Variants in SMCO4 observed in about 807,000 individuals in gnomAD.
SMCO4 encodes single-pass membrane protein with coiled-coil domains 4.
SMCO4 carries 4 observed loss-of-function variants against 3.6 expected under a neutral mutation model. That is an observed-to-expected ratio of 1.11 (90% CI 0.54 to 2.53). SMCO4 has a LOEUF of 2.53. Ranked by LOEUF, SMCO4 falls within the 30% of genes most tolerant of loss-of-function variation. The pLI is 0.02. For missense variants in SMCO4, 70 were observed against 80.8 expected, an observed-to-expected ratio of 0.87 and a Z score of 0.51; for synonymous variants, 36 against 35.3, an observed-to-expected ratio of 1.02 and a Z score of -0.07.
At chr11:93,512,849 A>G (rs1480964603) in intron 1 of SMCO4, among the ~76,000 whole-genome samples, 3 of 152,234 alleles carry the variant, frequency 2.0e-5, no homozygotes, top group Non-Finnish European at 4.4e-5. Context: ...CTACAATACA[A>G]TACAGGGCAA....
intron 1 of SMCO4, among the ~76,000 whole-genome samples, chr11:93,499,677 A>C (rs1296167365): frequency 1.3e-5 from 2 of 152,214 alleles, no homozygotes; most frequent in Non-Finnish European, 2.9e-5. Context: ...CTGCTAACTT[A>C]AGCCGCCATG....
intron 1 of SMCO4, among the ~76,000 whole-genome samples, chr11:93,511,981 T>C (rs1948961938): frequency 6.6e-6 from 1 of 152,214 alleles, no homozygotes; most frequent in South Asian, 2.1e-4. Flanking sequence ...TTATTAATTT[T>C]TCTTAAATGT....
the SMCO4 span, among the ~76,000 whole-genome samples, chr11:93,550,333 A>G: frequency 9.2e-3 from 1,396 of 152,180 alleles, 19 homozygotes; most frequent in African/African-American, 0.032. Flanking sequence ...GTAAGACCAC[A>G]CTAAAATCAC....
chr11:93,506,085 G>A (rs1174005097), intron 1 of SMCO4, among the ~76,000 whole-genome samples: 3 of 151,882 alleles, frequency 2.0e-5, no homozygotes, highest in Admixed American at 6.5e-5. Flanking sequence ...ACCTATACAT[G>A]TGTAGATATA....
chr11:93,478,775 G>C lies in SMCO4; in HGVS notation c.*235C>G, dbSNP rs1377621135. On this transcript the variant is annotated 3_prime_UTR_variant, in exon 3 of 3. Transcript: ENST00000298966. ...CACATGCGCGCGCGCTTTGAAGTCT[G>C]AAAGGCACATGAAGTGGACCATAAG... 9 of 1,243,548 alleles carry C rather than the reference G, an allele frequency of 7.2e-6. No individual in the cohort carries two copies. The highest frequency in any genetic ancestry group is 9.3e-6 in the Non-Finnish European group (9 of 963,264). The allele number at this position is 1,243,548 out of a possible 1,614,324, so 77.0% of individuals were successfully genotyped here.
At chr11:93,512,334 G>A (rs1466755457) in intron 1 of SMCO4, among the ~76,000 whole-genome samples, 2 of 152,080 alleles carry the variant, frequency 1.3e-5, no homozygotes, top group South Asian at 2.1e-4. Context: ...TCATAAAACC[G>A]TAGCACAAAG....
intron 1 of SMCO4, among the ~76,000 whole-genome samples, chr11:93,534,645 C>G (rs543589466): frequency 6.6e-6 from 1 of 152,320 alleles, no homozygotes; most frequent in South Asian, 2.1e-4. Flanking sequence ...TGGCTCAACT[C>G]TGCAGTCCCT....
intron 1 of SMCO4, 60 bp downstream of exon 1, chr11:93,543,216 G>GCGCC (rs1949287154): frequency 1.6e-5 from 2 of 123,578 alleles, no homozygotes; most frequent in Admixed American, 7.9e-5. Context: ...CCCGTGCCCC[G>GCGCC]CGCCCGCCCG....
At chr11:93,541,576 C>T (rs1239514023) in intron 1 of SMCO4, among the ~76,000 whole-genome samples, 1 of 152,108 alleles carries the variant, frequency 6.6e-6, no homozygotes, top group Non-Finnish European at 1.5e-5. Context: ...CCACTCCAAG[C>T]TTGAAGATTA....
chr11:93,485,189 G>C (rs11604909), intron 2 of SMCO4, among the ~76,000 whole-genome samples: 25,707 of 151,986 alleles, frequency 0.17, 2,768 homozygotes, highest in Admixed American at 0.35. Context: ...TACTTTTACC[G>C]GACAGCTTGC....
At chr11:93,494,092 C>T (rs1306694559) in intron 2 of SMCO4, among the ~76,000 whole-genome samples, 1 of 152,144 alleles carries the variant, frequency 6.6e-6, no homozygotes, top group Non-Finnish European at 1.5e-5. Flanking sequence ...ACTCCTGAGT[C>T]CTTTCGAAAC....
intron 2 of SMCO4, among the ~76,000 whole-genome samples, chr11:93,494,401 G>A (rs533696743): frequency 1.5e-4 from 23 of 152,290 alleles, no homozygotes; most frequent in African/African-American, 5.3e-4. Context: ...AGAAAGCCAA[G>A]TTAACAGTAT....
chr11:93,517,453 A>G (rs1053171600), intron 1 of SMCO4, among the ~76,000 whole-genome samples: 5 of 152,200 alleles, frequency 3.3e-5, no homozygotes, highest in African/African-American at 1.2e-4. Context: ...CTGACTGCAC[A>G]TGGTTATGGC....
At chr11:93,502,415 C>T (rs1948849654) in intron 1 of SMCO4, among the ~76,000 whole-genome samples, 1 of 152,144 alleles carries the variant, frequency 6.6e-6, no homozygotes, top group Non-Finnish European at 1.5e-5. Flanking sequence ...GCAAGGATTT[C>T]ATTTTGTGTT....
intron 1 of SMCO4, among the ~76,000 whole-genome samples, chr11:93,534,857 C>A (rs1182730578): frequency 1.3e-5 from 2 of 152,158 alleles, no homozygotes; most frequent in Non-Finnish European, 1.5e-5. Flanking sequence ...TGTGTCACAC[C>A]CCTCAAACAC....
At chr11:93,496,348 A>C (rs1180597203) in intron 2 of SMCO4, among the ~76,000 whole-genome samples, 1 of 152,144 alleles carries the variant, frequency 6.6e-6, no homozygotes, top group Admixed American at 6.5e-5. Flanking sequence ...GATGAGTATT[A>C]ACAAATGAAG....
At chr11:93,552,491 A>G in the SMCO4 span, among the ~76,000 whole-genome samples, 1 of 99,932 alleles carries the variant, frequency 1.0e-5, no homozygotes, top group Non-Finnish European at 2.3e-5. Flanking sequence ...ATTATTTTTG[A>G]GACAGAGTCT....
At chr11:93,549,567 G>C in the SMCO4 span, among the ~76,000 whole-genome samples, 3 of 151,920 alleles carry the variant, frequency 2.0e-5, no homozygotes, top group African/African-American at 7.3e-5. Context: ...TCCTGCCTCA[G>C]CCTCCCCAGT....
chr11:93,510,177 A>T (rs1242209685), intron 1 of SMCO4, among the ~76,000 whole-genome samples: 1 of 152,188 alleles, frequency 6.6e-6, no homozygotes, highest in Non-Finnish European at 1.5e-5. Context: ...TGAAGGGCAG[A>T]TGCTCAACAA....
Sources: gnomAD v4.1 joint callset for allele counts (sites outside exome capture counted in the v4.1 genomes callset) on GRCh38, gnomAD v4.1.1 for gene constraint, MANE v1.5 for transcripts, NCBI Gene and HGNC (gene_info 2026-07-23, HGNC 2026-07-21) for gene names.